The following ZFHX3 variants were observed in gnomAD, a reference collection of about 807,000 sequenced individuals.
ZFHX3 encodes the protein zinc finger homeobox 3.
ZFHX3 carries 42 observed loss-of-function variants against 279.1 expected under a neutral mutation model. That is an observed-to-expected ratio of 0.15 (90% CI 0.12 to 0.19). The LOEUF (loss-of-function observed/expected upper bound fraction) is 0.19, where lower values mean the gene tolerates loss of function less well. ZFHX3 is among the 10% of genes least tolerant of loss of function. The pLI, the probability that ZFHX3 is intolerant of heterozygous loss-of-function variation, is 1.00. For synonymous variants in ZFHX3, 2,293 were observed against 1,957.8 expected, an observed-to-expected ratio of 1.17 and a Z score of -4.52; for missense variants, 4,981 against 4,754.0, an observed-to-expected ratio of 1.05 and a Z score of -1.40.
chr16:73,741,967 C>T (rs902661471), intron 1 of ZFHX3, among the ~76,000 whole-genome samples: 4 of 152,158 alleles, frequency 2.6e-5, no homozygotes, highest in African/African-American at 9.7e-5. Flanking sequence ...CCAGTATTCA[C>T]ACCATAAGAA....
rs1300764521 is a variant in ZFHX3, at chr16:72,857,694, C to A, written c.3449-27835G>T. 3.6e-5 allele frequency among the ~76,000 whole-genome samples: 5 copies of A among 138,514 alleles called. No homozygotes were observed. The East Asian group carries it at 1.1e-3, about 31-fold the overall frequency. The allele number at this position is 138,514 out of a possible 152,430, so 90.9% of individuals were successfully genotyped here. A position where few individuals can be genotyped will look rare whatever the true frequency, so the allele number is the denominator to read the frequency against. ...AGCAAGATCCTGTCTCTGTAATTGA[C>A]AAAAACAAAACAAAACAAAACACTA... is the stretch of plus-strand genomic sequence containing the variant. On this transcript the variant is annotated intron_variant, in intron 4 of 9. Transcript: ENST00000268489.
chr16:73,126,031 A>AT (rs1966563936), intron 7 of ZFHX3, among the ~76,000 whole-genome samples: 1 of 152,172 alleles, frequency 6.6e-6, no homozygotes, highest in South Asian at 2.1e-4. Context: ...TCTTAGGCAC[A>AT]TAGCTGAAAA....
chr16:73,563,735 A>T (rs2020410772), intron 2 of ZFHX3, among the ~76,000 whole-genome samples: 1 of 151,970 alleles, frequency 6.6e-6, no homozygotes. Flanking sequence ...ACTGATTACC[A>T]CCTGGAACAG....
At chr16:73,036,635 G>A (rs983327420) in intron 1 of ZFHX3, among the ~76,000 whole-genome samples, 2 of 151,936 alleles carry the variant, frequency 1.3e-5, no homozygotes, top group Non-Finnish European at 1.5e-5. Flanking sequence ...GAGAGGGGCC[G>A]GCAGGAGAGA....
chr16:73,616,607 T>C (rs1229206637), intron 2 of ZFHX3, among the ~76,000 whole-genome samples: 3 of 151,928 alleles, frequency 2.0e-5, no homozygotes, highest in Non-Finnish European at 2.9e-5. Flanking sequence ...ATTCAATGTG[T>C]GTGTGTACAT....
intron 3 of ZFHX3, among the ~76,000 whole-genome samples, chr16:73,409,131 T>G (rs2017418838): frequency 6.6e-6 from 1 of 152,186 alleles, no homozygotes. Flanking sequence ...GCAGCTTACT[T>G]GCTACCAAGC....
intron 5 of ZFHX3, among the ~76,000 whole-genome samples, chr16:73,165,127 G>T (rs1233968247): frequency 6.6e-6 from 1 of 152,148 alleles, no homozygotes; most frequent in Non-Finnish European, 1.5e-5. Context: ...CTGTGAACAT[G>T]GACCTCAAAA....
intron 2 of ZFHX3, among the ~76,000 whole-genome samples, chr16:73,627,768 A>C (rs2052432123): frequency 6.6e-6 from 1 of 152,252 alleles, no homozygotes; most frequent in Middle Eastern, 3.4e-3. Context: ...AAACACAAAA[A>C]TTAGCTGGGC....
chr16:73,882,265 G>A (rs1400336435), intron 1 of ZFHX3, among the ~76,000 whole-genome samples: 1 of 151,878 alleles, frequency 6.6e-6, no homozygotes. Context: ...GAGGTTTATT[G>A]CTTGGTAACC....
At chr16:73,191,308 C>T (rs747321503) in intron 5 of ZFHX3, among the ~76,000 whole-genome samples, 6 of 152,136 alleles carry the variant, frequency 3.9e-5, no homozygotes, top group Admixed American at 6.5e-5. Flanking sequence ...TCCCCCCGGC[C>T]GCCCCAGCAC....
intron 2 of ZFHX3, among the ~76,000 whole-genome samples, chr16:73,588,590 T>C (rs2051952390): frequency 6.6e-6 from 1 of 151,418 alleles, no homozygotes; most frequent in Non-Finnish European, 1.5e-5. Context: ...CTCTGGAGGC[T>C]GAGGCAGGAG....
At chr16:72,968,506 G>A (rs938933967) in intron 1 of ZFHX3, among the ~76,000 whole-genome samples, 1 of 148,866 alleles carries the variant, frequency 6.7e-6, no homozygotes, top group African/African-American at 2.5e-5. Flanking sequence ...TGTCGTCCAG[G>A]CTGGAGTGCA....
intron 4 of ZFHX3, among the ~76,000 whole-genome samples, chr16:72,839,739 T>C (rs1251546128): frequency 6.6e-6 from 1 of 151,724 alleles, no homozygotes; most frequent in Non-Finnish European, 1.5e-5. Flanking sequence ...CTAGGGTGTC[T>C]AGATTTATGG....
chr16:73,721,034 T>A (rs1245227550), intron 1 of ZFHX3, among the ~76,000 whole-genome samples: 1 of 152,226 alleles, frequency 6.6e-6, no homozygotes, highest in Non-Finnish European at 1.5e-5. Flanking sequence ...AAACTTGAAT[T>A]TGAATGCTTC....
chr16:72,836,260 G>A (rs1338224926), intron 4 of ZFHX3, among the ~76,000 whole-genome samples: 1 of 152,172 alleles, frequency 6.6e-6, no homozygotes, highest in African/African-American at 2.4e-5. Context: ...GTGACCACAA[G>A]TCCTGCCAGT....
intron 3 of ZFHX3, among the ~76,000 whole-genome samples, chr16:73,334,211 C>T (rs1043207943): frequency 2.0e-5 from 3 of 152,078 alleles, no homozygotes; most frequent in African/African-American, 7.2e-5. Flanking sequence ...CGGAGGGTCA[C>T]CAGCTTCATC....
chr16:72,913,956 T>C (rs1413787959), intron 3 of ZFHX3, among the ~76,000 whole-genome samples: 3 of 152,156 alleles, frequency 2.0e-5, no homozygotes, highest in Non-Finnish European at 4.4e-5. Context: ...GCCAGATGAA[T>C]GAGATGGCAC....
At chr16:73,846,256 GA>G (rs556734122) in intron 1 of ZFHX3, among the ~76,000 whole-genome samples, 2 of 149,788 alleles carry the variant, frequency 1.3e-5, no homozygotes, top group East Asian at 1.9e-4. Context: ...AGAGTCAAAG[GA>G]AAAAAAAATG....
At chr16:73,783,045 A>AG (rs1959525804) in intron 1 of ZFHX3, among the ~76,000 whole-genome samples, 1 of 152,032 alleles carries the variant, frequency 6.6e-6, no homozygotes, top group Non-Finnish European at 1.5e-5. Context: ...CCAGAGAGAG[A>AG]GGGGGGCACT....
Sources: gnomAD v4.1 joint callset for allele counts (sites outside exome capture counted in the v4.1 genomes callset) on GRCh38, gnomAD v4.1.1 for gene constraint, MANE v1.5 for transcripts, NCBI Gene and HGNC (gene_info 2026-07-23, HGNC 2026-07-21) for gene names.